The following TRA2A variants were observed in gnomAD, a reference collection of about 807,000 sequenced individuals.
TRA2A encodes transformer 2 alpha homolog.
TRA2A carries 31 observed loss-of-function variants against 45.7 expected under a neutral mutation model. The ratio of observed to expected loss-of-function variants is 0.68; its 90% CI spans 0.51 to 0.92. The LOEUF (loss-of-function observed/expected upper bound fraction) is 0.92. Among genes scored for constraint, TRA2A ranks in the 40% least tolerant of loss-of-function variants. The pLI, the probability that TRA2A is intolerant of heterozygous loss-of-function variation, is 0.00. For synonymous variants in TRA2A, 132 were observed against 126.2 expected (o/e 1.05, Z -0.31); for missense variants, 304 against 367.5 (o/e 0.83, Z 1.41).
At chr7:23,522,165 T>G in intron 1 of TRA2A, 1 of 1,164,146 alleles carries the variant, frequency 8.6e-7, no homozygotes, top group Non-Finnish European at 1.1e-6. Context: ...ATTCTTTTAA[T>G]TCTACTTCAC....
chr7:23,507,141 T>C (rs1208254015), intron 5 of TRA2A: 1 of 364,106 alleles, frequency 2.7e-6, no homozygotes, highest in Non-Finnish European at 4.9e-6. Flanking sequence ...TTTTTTCTTT[T>C]TTGAGAAAGA....
chr7:23,522,265 C>A, intron 1 of TRA2A: 2 of 1,106,494 alleles, frequency 1.8e-6, no homozygotes, highest in Admixed American at 4.9e-5. Context: ...TTCAAAATAG[C>A]CTTAAAAAAA....
intron 1 of TRA2A, among the ~76,000 whole-genome samples, chr7:23,525,973 GAACT>G (rs1475075528): frequency 6.6e-6 from 1 of 152,030 alleles, no homozygotes; most frequent in East Asian, 1.9e-4. Flanking sequence ...TAAAAGGAGG[GAACT>G]AACTAAAACA....
In TRA2A at chr7:23,506,689, T is replaced by C. The variant is rs556904917; in HGVS notation, c.642-423A>G. The stretch of plus-strand genomic sequence containing the variant: ...AACACCAAGAATTTTTAAGTAACTC[T>C]GGACACCAAAGAGAATACCAAGGAA... On this transcript the variant is annotated intron_variant, in intron 5 of 7. Coordinates refer to ENST00000297071, the MANE Select transcript of TRA2A (RefSeq NM_013293.5). 4.7e-3 allele frequency among the ~76,000 whole-genome samples: 717 copies of C among 152,348 alleles called. 3 individuals are homozygous for C. Among genetic ancestry groups the C allele is most frequent in the Non-Finnish European group, 7.5e-3 (508 of 68,040 alleles).
At chr7:23,519,378 G>A (rs972424742) in intron 2 of TRA2A, among the ~76,000 whole-genome samples, 1 of 151,800 alleles carries the variant, frequency 6.6e-6, no homozygotes. Context: ...GTGAGACTCC[G>A]TCTTCAAAAA....
At chr7:23,508,487 G>T (rs1238013666) in intron 4 of TRA2A, among the ~76,000 whole-genome samples, 1 of 151,910 alleles carries the variant, frequency 6.6e-6, no homozygotes, top group Non-Finnish European at 1.5e-5. Context: ...TCCATTCAAT[G>T]GAATGCATTT....
intron 4 of TRA2A, among the ~76,000 whole-genome samples, chr7:23,511,173 C>CATCCTGGCTAACACAGTGAA (rs1789583985): frequency 6.6e-6 from 1 of 151,676 alleles, no homozygotes; most frequent in Non-Finnish European, 1.5e-5. Context: ...AGATTGAGAT[C>CATCCTGGCTAACACAGTGAA]ATCCTGGCTA....
rs201074392 is a variant in TRA2A at position 23,506,245 on chromosome 7, T to A, written c.663A>T (p.Gly221=). 2.7e-6 allele frequency: 4 copies of A among 1,476,298 alleles called. No individual in the cohort carries two copies. The highest frequency in any genetic ancestry group is 1.4e-5 in the African/African-American group (1 of 71,180). The allele number at this position is 1,476,298 out of a possible 1,614,324, so 91.4% of individuals were successfully genotyped here. ...CACCTCCACCTCCACCGCCGCCGCC[T>A]CCTCCACCACCCCCACCACTACTGC... ...RPTHSGGGGG[G]GGGGGGGGGG... is the part of the protein sequence containing the mutation. Residue 221 remains glycine (G), a synonymous_variant, in exon 6 of 8, where the codon GGA becomes GGT. Coordinates refer to ENST00000297071, the MANE Select transcript of TRA2A (RefSeq NM_013293.5).
At chr7:23,507,366 T>C in intron 5 of TRA2A, 54 bp downstream of exon 5, 1 of 1,434,568 alleles carries the variant, frequency 7.0e-7, no homozygotes. Flanking sequence ...ATCAAAATTT[T>C]GCACATATTT....
chr7:23,506,192 T>C lies in TRA2A; in HGVS notation c.716A>G (p.Asp239Gly). The change falls in exon 6 of 8, where the codon GAT (aspartate) becomes GGT (glycine). Residue 239 changes from aspartate (D) to glycine (G), a missense_variant. Transcript: ENST00000297071. ...GTCATACCCACGATCATATCCTCTATCATAGTAAGAATCTCGACGTCTGCC... is the reference window on the plus strand; with the variant it reads ...GTCATACCCACGATCATATCCTCTACCATAGTAAGAATCTCGACGTCTGCC... The part of the protein sequence containing the change: ...GGGRRRDSYY[D>G]RGYDRGYDRY... 2 of 1,613,800 alleles carry C rather than the reference T, an allele frequency of 1.2e-6. No individual in the cohort carries two copies. Among genetic ancestry groups the C allele is most frequent in the Non-Finnish European group, 1.7e-6 (2 of 1,179,804 alleles).
At chr7:23,509,312 C>A (rs1019600900) in intron 4 of TRA2A, among the ~76,000 whole-genome samples, 1 of 152,074 alleles carries the variant, frequency 6.6e-6, no homozygotes, top group Non-Finnish European at 1.5e-5. Flanking sequence ...GTACTTCTTA[C>A]TAAAACAGGG....
intron 4 of TRA2A, among the ~76,000 whole-genome samples, chr7:23,512,611 A>G (rs916000789): frequency 4.0e-5 from 6 of 151,730 alleles, no homozygotes; most frequent in East Asian, 1.9e-4. Flanking sequence ...AGCGCCGGCC[A>G]CCACGCCTGG....
intron 4 of TRA2A, among the ~76,000 whole-genome samples, chr7:23,508,840 T>A (rs558555944): frequency 5.5e-4 from 84 of 152,014 alleles, no homozygotes; most frequent in Middle Eastern, 3.2e-3. Context: ...CCCAGGCTGG[T>A]CTCTTAACTC....
intron 1 of TRA2A, among the ~76,000 whole-genome samples, chr7:23,523,961 GGATT>G (rs1468646509): frequency 6.6e-6 from 1 of 152,142 alleles, no homozygotes; most frequent in Admixed American, 6.6e-5. Flanking sequence ...AGCAATAGCT[GGATT>G]ATTATCTACG....
intron 4 of TRA2A, among the ~76,000 whole-genome samples, chr7:23,511,207 T>C (rs1789585751): frequency 1.3e-5 from 2 of 151,122 alleles, no homozygotes; most frequent in Non-Finnish European, 1.5e-5. Context: ...CTGCCTCTAC[T>C]AAAAATACAA....
Position 23,505,312 on chromosome 7 carries a change from A to AT in TRA2A, c.*246dup. On this transcript the variant is annotated 3_prime_UTR_variant, in exon 8 of 8. Transcript: ENST00000297071. Reference sequence around the variant, plus strand: ...AAAAAAAAAATTTACAAAGCATAACATAACATTGGGGTTCTTTTTATACTC... The same window carrying AT: ...AAAAAAAAAATTTACAAAGCATAACATTAACATTGGGGTTCTTTTTATACTC... The AT allele has an allele frequency of 5.1e-6, 2 of 393,688 alleles. No homozygotes were observed. The highest frequency in any genetic ancestry group is 2.2e-4 in the South Asian group (2 of 9,292). The allele number at this position is 393,688 out of a possible 1,614,324, so 24.4% of individuals were successfully genotyped here. A position where few individuals can be genotyped will look rare whatever the true frequency, so the allele number is the denominator to read the frequency against.
chr7:23,508,272 C>T (rs1238567560), intron 4 of TRA2A, among the ~76,000 whole-genome samples: 1 of 94,328 alleles, frequency 1.1e-5, no homozygotes. Context: ...AACTAAAGGT[C>T]ATTAAAAAAA....
chr7:23,507,166 C>G, intron 5 of TRA2A: 1 of 466,376 alleles, frequency 2.1e-6, no homozygotes, highest in South Asian at 3.8e-5. Context: ...CACTCTGTTG[C>G]CCAGGCTCAC....
In TRA2A at chr7:23,507,500, A is replaced by G. The variant is rs1160103184; in HGVS notation, c.561T>C (p.Gly187=). The part of the protein sequence containing the change: ...MERANGMELD[G]RRIRVDYSIT... ...TAGAATAATCCACCCGAATTCTTCT[A>G]CCATCCAGCTCCATTCCATTTGCCC... Residue 187 remains glycine (G), a synonymous_variant, in exon 5 of 8, where the codon GGT becomes GGC. Transcript: ENST00000297071. 3.7e-6 allele frequency: 6 copies of G among 1,614,076 alleles called. No individual in the cohort carries two copies. The highest frequency in any genetic ancestry group is 1.7e-5 in the Admixed American group (1 of 59,984).
Sources: allele counts gnomAD v4.1 joint callset (sites outside exome capture counted in the v4.1 genomes callset), GRCh38; gene constraint gnomAD v4.1.1; transcripts MANE v1.5; gene names NCBI Gene and HGNC (gene_info 2026-07-23, HGNC 2026-07-21).